PEAK1: variants seen among roughly 807,000 people sequenced by gnomAD.
The protein encoded by PEAK1 is pseudopodium enriched atypical kinase 1, also known as inactive tyrosine-protein kinase PEAK1.
Under a neutral mutation model 124.7 loss-of-function variants are expected in PEAK1, and 54 were observed. The observed-to-expected ratio is 0.43, with a 90% CI of 0.35 to 0.54. PEAK1 has a LOEUF of 0.54. PEAK1 is among the 20% of genes least tolerant of loss of function. The pLI, the probability that PEAK1 is intolerant of heterozygous loss-of-function variation, is 0.01. For synonymous variants in PEAK1, 719 were observed against 760.0 expected (o/e 0.95, Z 0.89); for missense variants, 2,046 against 2,134.5 (o/e 0.96, Z 0.82).
chr15:77,226,667 T>C (rs150262076), intron 6 of PEAK1, among the ~76,000 whole-genome samples: 398 of 152,226 alleles, frequency 2.6e-3, no homozygotes, highest in African/African-American at 9.2e-3. Context: ...CATACTCTTC[T>C]GGATGCAGAA....
At chr15:77,343,291 A>AT (rs1166392729) in intron 2 of PEAK1, among the ~76,000 whole-genome samples, 2 of 152,044 alleles carry the variant, frequency 1.3e-5, no homozygotes, top group Non-Finnish European at 2.9e-5. Flanking sequence ...GCCTTTGATC[A>AT]TTTTTTAATT....
intron 1 of PEAK1, among the ~76,000 whole-genome samples, chr15:77,419,766 G>T (rs1415433342): frequency 6.7e-6 from 1 of 148,848 alleles, no homozygotes; most frequent in African/African-American, 2.5e-5. Flanking sequence ...GGCAGGGGGC[G>T]CGCGGCACCG....
chr15:77,156,279 G>C (rs138699779), intron 8 of PEAK1: 1 of 153,700 alleles, frequency 6.5e-6, no homozygotes, highest in Non-Finnish European at 1.4e-5. Context: ...GTGAGACTCC[G>C]TGAGCATAGG....
intron 5 of PEAK1, among the ~76,000 whole-genome samples, chr15:77,256,878 C>T: frequency 7.0e-6 from 1 of 143,820 alleles, no homozygotes; most frequent in African/African-American, 2.6e-5. Flanking sequence ...CCTCCCACCT[C>T]CCCCCACCCC....
At chr15:77,357,702 T>C (rs2067609232) in intron 2 of PEAK1, among the ~76,000 whole-genome samples, 1 of 152,256 alleles carries the variant, frequency 6.6e-6, no homozygotes, top group South Asian at 2.1e-4. Context: ...GTTAGTTTCT[T>C]TTGAAAATAG....
chr15:77,411,660 C>G lies in PEAK1; in HGVS notation c.-666+8346G>C, dbSNP rs1224804713. ...TTGCGATGTCACCTAGGCTAGAGAG[C>G]AGTGGTGCGATCATAGCTCACTGCA... On this transcript the variant is annotated intron_variant, in intron 1 of 9. Transcript: ENST00000682557. 2.0e-5 allele frequency among the ~76,000 whole-genome samples: 3 copies of G among 152,168 alleles called. No homozygotes were observed. In the East Asian group the frequency reaches 5.8e-4, roughly 29 times the overall value.
intron 2 of PEAK1, chr15:77,335,637 T>C: frequency 4.8e-6 from 3 of 625,450 alleles, no homozygotes; most frequent in Non-Finnish European, 4.0e-6. Context: ...CACTACCACA[T>C]GCAGCTAATT....
At chr15:77,162,529 T>C (rs1248357040) in intron 7 of PEAK1, among the ~76,000 whole-genome samples, 2 of 150,012 alleles carry the variant, frequency 1.3e-5, no homozygotes, top group Non-Finnish European at 3.0e-5. Flanking sequence ...GGATTTACCA[T>C]TGATTTGTTC....
intron 2 of PEAK1, chr15:77,334,393 T>A (rs2066069435): frequency 1.0e-6 from 1 of 985,176 alleles, no homozygotes; most frequent in Non-Finnish European, 1.2e-6. Flanking sequence ...AGAAGAAATA[T>A]TTTCCAGATG....
intron 1 of PEAK1, among the ~76,000 whole-genome samples, chr15:77,368,547 A>G (rs1180375285): frequency 6.6e-6 from 1 of 152,052 alleles, no homozygotes; most frequent in African/African-American, 2.4e-5. Context: ...AAGTTTTACC[A>G]CTATAAAAAC....
At chr15:77,366,523 G>C (rs1191835884) in intron 1 of PEAK1, among the ~76,000 whole-genome samples, 1 of 151,838 alleles carries the variant, frequency 6.6e-6, no homozygotes, top group Non-Finnish European at 1.5e-5. Context: ...TTTGTACACT[G>C]TTCATAGGAA....
At chr15:77,353,570 C>T (rs1187761727) in intron 2 of PEAK1, among the ~76,000 whole-genome samples, 4 of 152,066 alleles carry the variant, frequency 2.6e-5, no homozygotes, top group African/African-American at 9.7e-5. Context: ...AAACTGTTGC[C>T]TGCAGTAAGG....
chr15:77,120,947 C>A (rs1207334948), intron 9 of PEAK1, among the ~76,000 whole-genome samples: 1 of 152,228 alleles, frequency 6.6e-6, no homozygotes, highest in Non-Finnish European at 1.5e-5. Context: ...CCTTCTCAGG[C>A]ATTACTTTAT....
At chr15:77,145,998 T>C (rs971009216) in intron 8 of PEAK1, among the ~76,000 whole-genome samples, 1 of 152,204 alleles carries the variant, frequency 6.6e-6, no homozygotes, top group Non-Finnish European at 1.5e-5. Context: ...ATAATTTCAA[T>C]CTTCGTCCCT....
At chr15:77,159,941 T>A (rs530569202) in intron 7 of PEAK1, among the ~76,000 whole-genome samples, 14 of 152,290 alleles carry the variant, frequency 9.2e-5, no homozygotes, top group Non-Finnish European at 1.5e-4. Flanking sequence ...GAGCCAGAGG[T>A]CTCTCTATAC....
At chr15:77,347,765 GA>G (rs1567290427) in intron 2 of PEAK1, 8 of 981,654 alleles carry the variant, frequency 8.1e-6, no homozygotes, top group Middle Eastern at 5.2e-4. Flanking sequence ...TTTTTTAAAA[GA>G]AAAAAAATTT....
chr15:77,402,326 C>G (rs2071442835), intron 1 of PEAK1: 1 of 985,134 alleles, frequency 1.0e-6, no homozygotes, highest in African/African-American at 1.7e-5. Context: ...AAAAGGAGAT[C>G]AAGGGAATAA....
Position 77,253,250 on chromosome 15 carries a change from G to A in PEAK1, c.-274-724C>T, listed in dbSNP as rs149634475. On this transcript the variant is annotated intron_variant, in intron 5 of 9. Coordinates refer to ENST00000682557, the MANE Select transcript of PEAK1 (RefSeq NM_001385026.1). ...CTGTGAATTTTGGTATGCGTTGGGG[G>A]GGGGGTGGTCCTGGAGCCAATCTCC... Among the ~76,000 whole-genome samples, 10 of 149,974 alleles carry A rather than the reference G, an allele frequency of 6.7e-5. No individual in the cohort carries two copies. The South Asian group carries it at 1.9e-3, about 29-fold the overall frequency.
chr15:77,333,826 T>C, intron 2 of PEAK1: 6 of 726,866 alleles, frequency 8.3e-6, no homozygotes, highest in Non-Finnish European at 1.0e-5. Context: ...TCTTCTAATA[T>C]ATGGTGGTGC....
Sources: allele counts gnomAD v4.1 joint callset (sites outside exome capture counted in the v4.1 genomes callset), GRCh38; gene constraint gnomAD v4.1.1; transcripts MANE v1.5; gene names NCBI Gene and HGNC (gene_info 2026-07-23, HGNC 2026-07-21).